The following TCP11L2 variants were observed in gnomAD, a reference collection of about 807,000 sequenced individuals.
TCP11L2 encodes the protein t-complex 11 like 2, also known as T-complex protein 11-like protein 2.
TCP11L2 carries 39 observed loss-of-function variants against 50.7 expected under a neutral mutation model. The ratio of observed to expected loss-of-function variants is 0.77; its 90% CI spans 0.60 to 1.01. TCP11L2 has a LOEUF of 1.01. Among genes scored for constraint, TCP11L2 ranks in the 50% least tolerant of loss-of-function variants. The pLI is 0.00. For synonymous variants in TCP11L2, 192 were observed against 219.3 expected, an observed-to-expected ratio of 0.88 and a Z score of 1.10; for missense variants, 612 against 614.7, an observed-to-expected ratio of 1.00 and a Z score of 0.05.
intron 6 of TCP11L2, chr12:106,329,480 T>C: frequency 6.6e-7 from 1 of 1,515,192 alleles, no homozygotes; most frequent in Non-Finnish European, 8.8e-7. Context: ...CCTTCTGCTT[T>C]ACCGGTCATT....
rs769526802 is a variant in TCP11L2, at chr12:106,321,638, G to A, written c.567G>A (p.Leu189=). 3.1e-6 allele frequency: 5 copies of A among 1,614,066 alleles called. No homozygotes were observed. The highest frequency in any genetic ancestry group is 1.1e-5 in the South Asian group (1 of 91,086). Residue 189 remains leucine, a synonymous_variant, in exon 5 of 10, where the codon CTG becomes CTA. Coordinates refer to ENST00000299045, the MANE Select transcript of TCP11L2 (RefSeq NM_152772.3). ...ANYVISTMGK[L]CAPVRDNDIR... The stretch of plus-strand genomic sequence containing the variant: ...ATGTCATCAGTACGATGGGAAAGCT[G>A]TGTGCTCCCGTGCGAGATAATGATA...
At chr12:106,322,876 T>G (rs1044436911) in intron 5 of TCP11L2, among the ~76,000 whole-genome samples, 3 of 152,240 alleles carry the variant, frequency 2.0e-5, no homozygotes, top group Non-Finnish European at 2.9e-5. Flanking sequence ...AGTTGTCGTA[T>G]TACCCTAGTA....
intron 3 of TCP11L2, among the ~76,000 whole-genome samples, chr12:106,316,112 CT>C (rs10706763): frequency 0.78 from 118,085 of 152,020 alleles, 47,290 homozygotes; most frequent in African/African-American, 0.95. Flanking sequence ...CCTTTGGTAA[CT>C]TGCATTTTGC....
At chr12:106,309,468 G>A (rs1216279749) in intron 1 of TCP11L2, among the ~76,000 whole-genome samples, 2 of 151,934 alleles carry the variant, frequency 1.3e-5, no homozygotes. Flanking sequence ...ATACATTTCT[G>A]TGGCAGGATT....
At position 106,314,477 on chromosome 12, in the gene TCP11L2, G is replaced by A. The variant is rs1377935306; in HGVS notation, c.277G>A (p.Ala93Thr). The A allele has an allele frequency of 6.3e-7, 1 of 1,585,594 alleles. No individual in the cohort carries two copies. Among genetic ancestry groups the A allele is most frequent in the Non-Finnish European group, 8.6e-7 (1 of 1,163,276 alleles). ...VNENFQLKQE[A>T]LPEKSLAGRV... ...TGAGAACTTTCAATTGAAACAAGAG[G>A]CTCTCCCAGAAAAGAGGTAACCTGG... The change falls in exon 3 of 10, where the codon GCT becomes ACT. Residue 93 changes from alanine (A) to threonine (T), a missense_variant. By Grantham distance (58) the Ala-to-Thr change is moderately conservative. Coordinates refer to ENST00000299045, the MANE Select transcript of TCP11L2 (RefSeq NM_152772.3).
intron 6 of TCP11L2, among the ~76,000 whole-genome samples, chr12:106,334,156 C>T (rs917517851): frequency 6.6e-6 from 1 of 152,116 alleles, no homozygotes; most frequent in Non-Finnish European, 1.5e-5. Context: ...TGCAGAAGCA[C>T]AGCTAGGGGA....
intron 5 of TCP11L2, among the ~76,000 whole-genome samples, chr12:106,323,221 C>G (rs1344791425): frequency 6.6e-6 from 1 of 152,044 alleles, no homozygotes; most frequent in Non-Finnish European, 1.5e-5. Context: ...ACCCTGTGTC[C>G]TGGCTCTTTA....
Position 106,330,035 on chromosome 12 carries a change from T to C in TCP11L2, c.773-5604T>C, listed in dbSNP as rs1472321916. 3 of 985,358 alleles carry C rather than the reference T, an allele frequency of 3.0e-6. No individual in the cohort carries two copies. In the African/African-American group the frequency reaches 5.2e-5, roughly 17 times the overall value. The allele number at this position is 985,358 out of a possible 1,614,324, so 61.0% of individuals were successfully genotyped here. ...TGCACCTGTGTTCAGGCTGTATTTC[T>C]TGGCAATTGTCACCTTATAAATTCT... On this transcript the variant is annotated intron_variant, in intron 6 of 9. Transcript: ENST00000299045.
chr12:106,327,789 A>G (rs1014171657), intron 6 of TCP11L2, among the ~76,000 whole-genome samples: 2 of 152,224 alleles, frequency 1.3e-5, no homozygotes, highest in African/African-American at 4.8e-5. Flanking sequence ...GAAGTACTCT[A>G]GATTTCTGAA....
chr12:106,335,860 G>C (rs1428420287), intron 7 of TCP11L2, 34 bp downstream of exon 7: 1 of 1,599,260 alleles, frequency 6.3e-7, no homozygotes, highest in Non-Finnish European at 8.5e-7. Flanking sequence ...AAATTTCCCA[G>C]TATTTTTATT....
intron 1 of TCP11L2, among the ~76,000 whole-genome samples, chr12:106,307,955 A>G (rs1171306446): frequency 2.0e-5 from 3 of 152,226 alleles, no homozygotes; most frequent in African/African-American, 7.2e-5. Context: ...TAGTAAGCCT[A>G]TATGAGGAAA....
chr12:106,312,852 A>G (rs2034913961), intron 2 of TCP11L2, among the ~76,000 whole-genome samples: 1 of 152,176 alleles, frequency 6.6e-6, no homozygotes, highest in Non-Finnish European at 1.5e-5. Context: ...ACTGCACTCC[A>G]GCCTGGGAGA....
Position 106,323,419 on chromosome 12 carries a change from T to C in TCP11L2, c.636-91T>C, listed in dbSNP as rs565846323. 9.2e-6 allele frequency: 11 copies of C among 1,195,732 alleles called. No homozygotes were observed. The East Asian group carries it at 1.4e-4, about 15-fold the overall frequency. The allele number at this position is 1,195,732 out of a possible 1,614,324, so 74.1% of individuals were successfully genotyped here. Reference sequence around the variant, plus strand: ...AACTTTAAAACCATTTTGGGGATGTTTATTGTTTTCAGCCTGGAACATAGA... The same window carrying C: ...AACTTTAAAACCATTTTGGGGATGTCTATTGTTTTCAGCCTGGAACATAGA... On this transcript the variant is annotated intron_variant, in intron 5 of 9. Coordinates refer to ENST00000299045, the MANE Select transcript of TCP11L2 (RefSeq NM_152772.3).
intron 6 of TCP11L2, chr12:106,329,224 A>G: frequency 7.2e-7 from 1 of 1,382,048 alleles, no homozygotes; most frequent in East Asian, 2.5e-5. Context: ...GTGCTTATTT[A>G]CCTTTAAATC....
upstream of TCP11L2, among the ~76,000 whole-genome samples, chr12:106,302,403 GCTCAGCCCCCGCTCCC>G (rs1565832141): frequency 1.2e-4 from 7 of 56,166 alleles, no homozygotes; most frequent in African/African-American, 5.1e-4. Context: ...CTCAGCCCCC[GCTCAGCCCCCGCTCCC>G]CCACTCGGCC....
chr12:106,317,828 T>C (rs188149639), intron 3 of TCP11L2, among the ~76,000 whole-genome samples: 1 of 152,352 alleles, frequency 6.6e-6, no homozygotes, highest in African/African-American at 2.4e-5. Flanking sequence ...AATTATTCTA[T>C]TGTGAGCTCT....
chr12:106,312,895 AAATT>A (rs1265415706), intron 2 of TCP11L2, among the ~76,000 whole-genome samples: 1 of 152,048 alleles, frequency 6.6e-6, no homozygotes, highest in African/African-American at 2.4e-5. Flanking sequence ...AAAAAAAAAT[AAATT>A]AGGTAGTAAA....
At chr12:106,298,255 T>C (rs2034375277), upstream of TCP11L2, among the ~76,000 whole-genome samples, 1 of 152,070 alleles carries the variant, frequency 6.6e-6, no homozygotes, top group African/African-American at 2.4e-5. Flanking sequence ...CAAAAAAAAA[T>C]TGCCTAAAAG....
In TCP11L2 at chr12:106,318,458, C is replaced by T. The variant is rs141194065; in HGVS notation, c.408C>T (p.Ile136=). The T allele has an allele frequency of 1.8e-4, 284 of 1,613,498 alleles. 3 individuals are homozygous for T. Among genetic ancestry groups the T allele is most frequent in the Non-Finnish European group, 2.2e-4 (265 of 1,179,688 alleles). ...FEHAIKLFEE[I]REILLSFLTP... ...ATGCCATCAAACTGTTTGAAGAAAT[C>T]AGAGAGGCAAGTTGCTTTGTTGTCT... The change falls in exon 4 of 10, where the codon ATC becomes ATT. Residue 136 remains isoleucine, a synonymous_variant. Coordinates refer to ENST00000299045, the MANE Select transcript of TCP11L2 (RefSeq NM_152772.3).
Sources: allele counts gnomAD v4.1 joint callset (sites outside exome capture counted in the v4.1 genomes callset), GRCh38; gene constraint gnomAD v4.1.1; transcripts MANE v1.5; gene names NCBI Gene and HGNC (gene_info 2026-07-23, HGNC 2026-07-21).